The following UGT1A10 variants were observed in gnomAD, a reference collection of about 807,000 sequenced individuals.
UGT1A10 encodes the protein UDP-glucuronosyltransferase 1A10.
A neutral mutation model predicts 45.8 loss-of-function variants in UGT1A10; 49 were observed. The ratio of observed to expected loss-of-function variants is 1.07; its 90% CI spans 0.85 to 1.36. UGT1A10 has a LOEUF of 1.36. Among genes scored for constraint, UGT1A10 ranks in the 40% most tolerant of loss-of-function variants. UGT1A10 has a pLI of 0.00. For missense variants in UGT1A10, 745 were observed against 668.6 expected, an observed-to-expected ratio of 1.11 and a Z score of -1.26; for synonymous variants, 284 against 249.7, an observed-to-expected ratio of 1.14 and a Z score of -1.29.
chr2:233,687,722 G>C (rs10203266), intron 1 of UGT1A10, among the ~76,000 whole-genome samples: 58,987 of 151,680 alleles, frequency 0.39, 11,651 homozygotes, highest in South Asian at 0.45. Flanking sequence ...GGACAACATA[G>C]GGAGACACTG....
intron 1 of UGT1A10, among the ~76,000 whole-genome samples, chr2:233,638,639 C>T (rs2073368361): frequency 6.6e-6 from 1 of 152,094 alleles, no homozygotes; most frequent in South Asian, 2.1e-4. Flanking sequence ...CCAGATGAAA[C>T]ACCTGGTGTC....
chr2:233,743,424 A>G, intron 1 of UGT1A10: 2 of 1,346,302 alleles, frequency 1.5e-6, no homozygotes, highest in South Asian at 2.3e-5. Context: ...CCAGGGAGCC[A>G]AAGGAACGAA....
intron 4 of UGT1A10, among the ~76,000 whole-genome samples, chr2:233,771,990 C>T (rs1700432517): frequency 6.6e-6 from 1 of 152,154 alleles, no homozygotes; most frequent in African/African-American, 2.4e-5. Flanking sequence ...TGGTGCATGA[C>T]TAATTCCAGC....
chr2:233,718,957 A>T, intron 1 of UGT1A10: 1 of 1,614,184 alleles, frequency 6.2e-7, no homozygotes, highest in South Asian at 1.1e-5. Context: ...AGCATGCGGG[A>T]GGCCTTGCGG....
chr2:233,642,189 A>G (rs998704632), intron 1 of UGT1A10, among the ~76,000 whole-genome samples: 2 of 151,996 alleles, frequency 1.3e-5, no homozygotes, highest in African/African-American at 2.4e-5. Context: ...AGCATGCTTC[A>G]TTGTTGTTTA....
At chr2:233,728,368 C>G (rs1168371708) in intron 1 of UGT1A10, among the ~76,000 whole-genome samples, 11 of 152,282 alleles carry the variant, frequency 7.2e-5, no homozygotes, top group African/African-American at 2.2e-4. Context: ...CTGAACCCAC[C>G]ATGGGTCTTT....
Position 233,636,568 on chromosome 2 carries a change from C to T in UGT1A10, c.46C>T (p.Leu16=), listed in dbSNP as rs1183273016. Residue 16 remains leucine (L), a synonymous_variant, in exon 1 of 5, where the codon CTA becomes TTA. Coordinates refer to ENST00000344644, the MANE Select transcript of UGT1A10 (RefSeq NM_019075.4). ...WTSPVPLCVC[L]LLTCGFAEAG... ...CAGCCCCGTTCCTTTATGTGTGTGTCTACTGCTGACCTGTGGCTTTGCCGA... is the reference window on the plus strand; with the variant it reads ...CAGCCCCGTTCCTTTATGTGTGTGTTTACTGCTGACCTGTGGCTTTGCCGA... 8 of 1,614,158 alleles carry T rather than the reference C, an allele frequency of 5.0e-6. No homozygotes were observed.
chr2:233,686,424 C>T (rs140951081), intron 1 of UGT1A10, among the ~76,000 whole-genome samples: 8 of 152,224 alleles, frequency 5.3e-5, no homozygotes, highest in African/African-American at 1.4e-4. Flanking sequence ...GATAAACACA[C>T]GCATGCTTGA....
intron 1 of UGT1A10, chr2:233,755,291 C>T (rs1483791202): frequency 1.2e-5 from 8 of 651,216 alleles, no homozygotes; most frequent in Non-Finnish European, 1.9e-5. Context: ...AAAGAGCCTG[C>T]GGGGCACTGG....
At chr2:233,763,063 T>C (rs1220667382) in intron 1 of UGT1A10, among the ~76,000 whole-genome samples, 1 of 152,230 alleles carries the variant, frequency 6.6e-6, no homozygotes, top group Admixed American at 6.5e-5. Flanking sequence ...TTTAGATAAT[T>C]TCCTTCTTTG....
chr2:233,734,671 A>T (rs1355511130), intron 1 of UGT1A10, among the ~76,000 whole-genome samples: 2 of 152,154 alleles, frequency 1.3e-5, no homozygotes, highest in African/African-American at 4.8e-5. Context: ...ATTTCCCTCT[A>T]CACACTGATT....
chr2:233,719,028 A>G (rs1032757626), intron 1 of UGT1A10: 1 of 1,614,250 alleles, frequency 6.2e-7, no homozygotes, highest in African/African-American at 1.3e-5. Context: ...TATGCACATC[A>G]AAGAAGAGAA....
At chr2:233,644,448 A>G (rs1015078725) in intron 1 of UGT1A10, among the ~76,000 whole-genome samples, 1 of 152,130 alleles carries the variant, frequency 6.6e-6, no homozygotes. Context: ...CATGCCGGTA[A>G]TCCCAGCTAC....
intron 4 of UGT1A10, among the ~76,000 whole-genome samples, 182 bp downstream of exon 4, chr2:233,768,621 C>T (rs186985441): frequency 1.7e-5 from 2 of 116,022 alleles, no homozygotes; most frequent in East Asian, 2.7e-4. Flanking sequence ...GAGTCTTGCT[C>T]TGTCACCTAG....
intron 1 of UGT1A10, chr2:233,719,006 C>G (rs899895461): frequency 1.3e-5 from 21 of 1,614,078 alleles, no homozygotes; most frequent in Non-Finnish European, 1.7e-5. Flanking sequence ...TGGTCCTCAC[C>G]CCAGAGGTGA....
intron 1 of UGT1A10, chr2:233,647,971 G>T (rs1483919107): frequency 3.7e-6 from 6 of 1,607,974 alleles, no homozygotes; most frequent in Non-Finnish European, 5.1e-6. Context: ...GTCGGTGGTG[G>T]AGAAACTCAT....
intron 1 of UGT1A10, among the ~76,000 whole-genome samples, chr2:233,684,204 A>G (rs2125528312): frequency 6.6e-6 from 1 of 152,256 alleles, no homozygotes; most frequent in African/African-American, 2.4e-5. Flanking sequence ...TGTTCAACCA[A>G]CTCATGGGAA....
chr2:233,636,936 GGA>G lies in UGT1A10; in HGVS notation c.418_419del (p.Ser140PhefsTer3). 6.2e-7 allele frequency: 1 copy of G among 1,614,098 alleles called. No homozygotes were observed. Among genetic ancestry groups the G allele is most frequent in the Non-Finnish European group, 8.5e-7 (1 of 1,180,032 alleles). Reference sequence around the variant, plus strand: ...ACCGAAAATTAGTAGAATACTTAAAGGAGAGTTCTTTTGATGCAGTGTTTCTG... The same window carrying G: ...ACCGAAAATTAGTAGAATACTTAAAGGAGTTCTTTTGATGCAGTGTTTCTG... ...NDRKLVEYLK[E>X]SSFDAVFLDP... On this transcript the variant is annotated frameshift_variant, in exon 1 of 5. Transcript: ENST00000344644. LOFTEE classifies it high-confidence loss of function.
chr2:233,739,933 AAGGTTGGTACC>A (rs1221573721), intron 1 of UGT1A10, among the ~76,000 whole-genome samples: 1 of 151,674 alleles, frequency 6.6e-6, no homozygotes, highest in Non-Finnish European at 1.5e-5. Context: ...CCCATGTGTT[AAGGTTGGTACC>A]TGGTGGGAGC....
Sources: allele counts gnomAD v4.1 joint callset (sites outside exome capture counted in the v4.1 genomes callset), GRCh38; gene constraint gnomAD v4.1.1; transcripts MANE v1.5; gene names NCBI Gene and HGNC (gene_info 2026-07-23, HGNC 2026-07-21).